KDM1A: variants seen among roughly 807,000 people sequenced by gnomAD.
KDM1A encodes lysine-specific histone demethylase 1A.
In KDM1A, 49 loss-of-function variants were observed where a neutral mutation model predicts 109.4. That is an observed-to-expected ratio of 0.45 (90% CI 0.36 to 0.57). The LOEUF is 0.57. Ranked by LOEUF, KDM1A falls within the 20% of genes least tolerant of loss-of-function variation. The pLI, the probability that KDM1A is intolerant of heterozygous loss-of-function variation, is 0.00. For missense variants in KDM1A, 668 were observed against 1,116.6 expected (o/e 0.60, Z 5.73); for synonymous variants, 380 against 415.4 (o/e 0.91, Z 1.04).
chr1:23,029,261 G>T (rs946454401), intron 1 of KDM1A, among the ~76,000 whole-genome samples: 2 of 152,154 alleles, frequency 1.3e-5, no homozygotes, highest in African/African-American at 4.8e-5. Flanking sequence ...TAAAACATTA[G>T]ATATTTGTGG....
chr1:23,020,037 G>T, intron 1 of KDM1A, 90 bp downstream of exon 1: 1 of 1,337,764 alleles, frequency 7.5e-7, no homozygotes, highest in Non-Finnish European at 9.7e-7. Flanking sequence ...CCGGGTCTTG[G>T]GCCCTGCGAC....
chr1:23,032,474 T>C (rs1557509223), intron 2 of KDM1A, among the ~76,000 whole-genome samples: 2 of 151,134 alleles, frequency 1.3e-5, no homozygotes, highest in East Asian at 1.9e-4. Flanking sequence ...TTAATTATAA[T>C]GCAGTGGTTT....
In KDM1A at chr1:23,022,648, C is replaced by CT. The variant is rs58124287; in HGVS notation, c.351+2725dup. Among the ~76,000 whole-genome samples, 138 of 36,770 alleles carry CT rather than the reference C, an allele frequency of 3.8e-3. 1 individual carries two copies. Among genetic ancestry groups the CT allele is most frequent in the African/African-American group, 8.6e-3 (75 of 8,728 alleles). The allele number at this position is 36,770 out of a possible 152,430, so 24.1% of individuals were successfully genotyped here. On this transcript the variant is annotated intron_variant, in intron 1 of 20. Coordinates refer to ENST00000400181, the MANE Select transcript of KDM1A (RefSeq NM_001009999.3). ...AGCCACTGCGCCTGGCCTTCTTCTT[C>CT]TTTTTTTTTTTTTTTTTTTTTTTTG...
chr1:23,071,175 A>T (rs745800199), intron 12 of KDM1A, 50 bp from the exon 13 acceptor site: 1 of 1,510,932 alleles, frequency 6.6e-7, no homozygotes, highest in Non-Finnish European at 9.0e-7. Context: ...TGATGTAGAC[A>T]TAAACTACAT....
intron 3 of KDM1A, among the ~76,000 whole-genome samples, chr1:23,045,692 A>G (rs1015679687): frequency 4.0e-5 from 6 of 151,546 alleles, no homozygotes; most frequent in Admixed American, 2.6e-4. Context: ...GTGTGTGACT[A>G]TTTGCTCTTT....
chr1:23,037,129 T>TACACACACAC lies in KDM1A; in HGVS notation c.517+6509_517+6518dup, dbSNP rs59175262. ...CCATCTCCACTAAAAAAAATATATA[T>TACACACACAC]ACACACACACACACACACACACAAA... On this transcript the variant is annotated intron_variant, in intron 2 of 20. Coordinates refer to ENST00000400181, the MANE Select transcript of KDM1A (RefSeq NM_001009999.3). 3.2e-4 allele frequency among the ~76,000 whole-genome samples: 48 copies of TACACACACAC among 147,734 alleles called. 1 individual carries two copies. The highest frequency in any genetic ancestry group is 6.8e-3 in the Middle Eastern group (2 of 294).
At chr1:23,050,626 T>G (rs559619857) in intron 4 of KDM1A, 106 bp downstream of exon 4, 1 of 884,102 alleles carries the variant, frequency 1.1e-6, no homozygotes, top group African/African-American at 1.7e-5. Context: ...TAAAATTATC[T>G]ATAATACTAT....
At chr1:23,046,166 G>T (rs1402563482) in intron 3 of KDM1A, among the ~76,000 whole-genome samples, 1 of 152,148 alleles carries the variant, frequency 6.6e-6, no homozygotes, top group Non-Finnish European at 1.5e-5. Flanking sequence ...TACACCAGCA[G>T]TTCTGGAGAA....
At chr1:23,060,369 A>G (rs1320460567) in intron 9 of KDM1A, among the ~76,000 whole-genome samples, 2 of 152,174 alleles carry the variant, frequency 1.3e-5, no homozygotes, top group Non-Finnish European at 2.9e-5. Context: ...TGTTTTCCCA[A>G]TCTTGTTTTA....
In KDM1A at chr1:23,059,180, C is replaced by G. The variant is rs756633935; in HGVS notation, c.1167+13C>G. On this transcript the variant is annotated intron_variant, in intron 9 of 20. Transcript: ENST00000400181. Reference sequence around the variant, plus strand: ...CAACGGACAAGCTGTAAGTCGAGGACAAACAGAACTTTCAACATTTCTTTG... The same window carrying G: ...CAACGGACAAGCTGTAAGTCGAGGAGAAACAGAACTTTCAACATTTCTTTG... 1 of 1,600,064 alleles carries G rather than the reference C, an allele frequency of 6.2e-7. No individual in the cohort carries two copies. Among genetic ancestry groups the G allele is most frequent in the Non-Finnish European group, 8.5e-7 (1 of 1,170,024 alleles).
intron 4 of KDM1A, 117 bp from the exon 5 acceptor site, chr1:23,053,644 C>G (rs1229277516): frequency 5.6e-6 from 4 of 713,328 alleles, no homozygotes; most frequent in African/African-American, 1.8e-5. Context: ...CCTCAGCCTC[C>G]CAAACTGCTG....
In KDM1A at chr1:23,030,640, T is replaced by A; in HGVS notation, c.517+6T>A. On this transcript the variant is annotated splice_donor_region_variant and intron_variant, in intron 2 of 20. Transcript: ENST00000400181. ...TGAGCCTGAAGAACCATCGGGTGAG[T>A]TGTAGTATCCAACCACAGTTCTGTT... 1.3e-6 allele frequency: 2 copies of A among 1,522,644 alleles called. No individual in the cohort carries two copies. Among genetic ancestry groups the A allele is most frequent in the South Asian group, 1.3e-5 (1 of 74,874 alleles). The allele number at this position is 1,522,644 out of a possible 1,614,324, so 94.3% of individuals were successfully genotyped here. A position where few individuals can be genotyped will look rare whatever the true frequency, so the allele number is the denominator to read the frequency against.
chr1:23,050,332 A>G (rs1050000901), intron 3 of KDM1A, 55 bp from the exon 4 acceptor site: 1 of 1,529,672 alleles, frequency 6.5e-7, no homozygotes, highest in African/African-American at 1.4e-5. Flanking sequence ...CGTCATCACT[A>G]CCCGTTTTGT....
chr1:23,031,300 A>G (rs1175698981), intron 2 of KDM1A, among the ~76,000 whole-genome samples: 2 of 152,216 alleles, frequency 1.3e-5, no homozygotes, highest in Non-Finnish European at 2.9e-5. Context: ...GGAGAGACCA[A>G]GCAAAAGCAG....
intron 2 of KDM1A, among the ~76,000 whole-genome samples, chr1:23,041,504 G>A (rs1642333372): frequency 7.6e-6 from 1 of 132,054 alleles, no homozygotes; most frequent in Admixed American, 8.8e-5. Context: ...GTGCAGTGGT[G>A]CAATCTCGGC....
At chr1:23,024,304 C>T (rs1313545143) in intron 1 of KDM1A, among the ~76,000 whole-genome samples, 1 of 152,158 alleles carries the variant, frequency 6.6e-6, no homozygotes, top group African/African-American at 2.4e-5. Flanking sequence ...TAGCAACTAT[C>T]CAGTCTTGGG....
At position 23,019,483 on chromosome 1, in the gene KDM1A, G is replaced by C; in HGVS notation, c.-114G>C. ...GAGCGCGCTTGGCGCGTGCGTACGC[G>C]ACGGCGGTTGGCGGCGCGCGGGCAG... On this transcript the variant is annotated 5_prime_UTR_variant, in exon 1 of 21. Coordinates refer to ENST00000400181, the MANE Select transcript of KDM1A (RefSeq NM_001009999.3). The C allele has an allele frequency of 2.3e-6, 3 of 1,279,088 alleles. No homozygotes were observed. Among genetic ancestry groups the C allele is most frequent in the East Asian group, 3.1e-5 (1 of 32,640 alleles). The allele number at this position is 1,279,088 out of a possible 1,614,324, so 79.2% of individuals were successfully genotyped here. A position where few individuals can be genotyped will look rare whatever the true frequency, so the allele number is the denominator to read the frequency against.
chr1:23,035,403 C>T (rs571123197), intron 2 of KDM1A, among the ~76,000 whole-genome samples: 1 of 152,078 alleles, frequency 6.6e-6, no homozygotes, highest in Admixed American at 6.6e-5. Flanking sequence ...GGTTTCTCCG[C>T]GTTGGCCAGG....
At position 23,079,062 on chromosome 1, in the gene KDM1A, G is replaced by A. The variant is rs1569822906; in HGVS notation, c.1940G>A (p.Cys647Tyr). The change falls in exon 17 of 21, where the codon TGT (cysteine) becomes TAT (tyrosine). Residue 647 changes from cysteine to tyrosine, a missense_variant. Cys to Tyr is a radical substitution (Grantham distance 194). Around this residue, in one of 8 missense-constraint regions of KDM1A, gnomAD observed 162 missense variants for 376.4 expected, o/e 0.43. Transcript: ENST00000400181. The surrounding 1 kb of genome is among the most constrained non-coding windows in gnomAD (Gnocchi z 5.6). ...TFIYKCDAVL[C>Y]TLPLGVLKQQ... Reference sequence around the variant, plus strand: ...ATTTATAAATGCGACGCAGTTCTCTGTACCCTTCCCCTGGGTGTGCTGAAG... The same window carrying A: ...ATTTATAAATGCGACGCAGTTCTCTATACCCTTCCCCTGGGTGTGCTGAAG... 2 of 1,614,042 alleles carry A rather than the reference G, an allele frequency of 1.2e-6. No individual in the cohort carries two copies. The highest frequency in any genetic ancestry group is 1.3e-5 in the African/African-American group (1 of 74,904).
Sources: gnomAD v4.1 joint callset for allele counts (sites outside exome capture counted in the v4.1 genomes callset) on GRCh38, gnomAD v4.1.1 for gene constraint, gnomAD v4.1.1 regional missense constraint, Gnocchi (gnomAD v3.1) non-coding constraint, MANE v1.5 for transcripts, NCBI Gene and HGNC (gene_info 2026-07-23, HGNC 2026-07-21) for gene names.